The following AGBL1 variants were observed in gnomAD, a reference collection of about 807,000 sequenced individuals.
AGBL1 encodes AGBL carboxypeptidase 1.
In AGBL1, 130 loss-of-function variants were observed where a neutral mutation model predicts 118.9. The observed-to-expected ratio is 1.09, with a 90% confidence interval of 0.95 to 1.26. The LOEUF (loss-of-function observed/expected upper bound fraction) is 1.26, where lower values mean the gene tolerates loss of function less well. Ranked by LOEUF, AGBL1 falls within the 50% of genes most tolerant of loss-of-function variation. The pLI is 0.00. For missense variants in AGBL1, 1,584 were observed against 1,298.1 expected (o/e 1.22, Z -3.38); for synonymous variants, 555 against 478.9 (o/e 1.16, Z -2.08).
rs537788037 is a variant in AGBL1 at position 86,976,057 on chromosome 15, C to A, written c.3222-11930C>A. ...TACTTTAAAATTATTATGTTGGTTA[C>A]ACATATTCATTGTAGAAAGTTTTAA... On this transcript the variant is annotated intron_variant, in intron 23 of 24. Transcript: ENST00000441037. Among the ~76,000 whole-genome samples the A allele has an allele frequency of 5.4e-4, 82 of 151,968 alleles. 1 individual carries two copies. The highest frequency in any genetic ancestry group is 1.9e-3 in the African/African-American group (77 of 41,494).
chr15:86,644,135 C>G (rs925896080), intron 21 of AGBL1, among the ~76,000 whole-genome samples: 1 of 152,146 alleles, frequency 6.6e-6, no homozygotes, highest in Non-Finnish European at 1.5e-5. Context: ...CTAATCATCA[C>G]TATTTCTATA....
chr15:86,836,892 C>T (rs1161358258), intron 22 of AGBL1, among the ~76,000 whole-genome samples: 1 of 152,122 alleles, frequency 6.6e-6, no homozygotes, highest in East Asian at 1.9e-4. Flanking sequence ...TCTTTTGTTT[C>T]CTTTATGCTA....
chr15:86,974,016 A>T (rs1162329369), intron 23 of AGBL1, among the ~76,000 whole-genome samples: 4 of 137,600 alleles, frequency 2.9e-5, no homozygotes, highest in African/African-American at 1.1e-4. Flanking sequence ...AAACATATTT[A>T]ATATATTAAA....
At chr15:86,579,914 A>T (rs978356772) in intron 21 of AGBL1, among the ~76,000 whole-genome samples, 1 of 152,080 alleles carries the variant, frequency 6.6e-6, no homozygotes, top group Non-Finnish European at 1.5e-5. Context: ...TCTGGACTGT[A>T]TTTGATACTG....
chr15:86,584,519 T>G (rs559122897), intron 21 of AGBL1, among the ~76,000 whole-genome samples: 6 of 152,230 alleles, frequency 3.9e-5, no homozygotes, highest in South Asian at 4.1e-4. Flanking sequence ...TATTCTCAGT[T>G]TTCTATTCTG....
At chr15:86,198,374 T>G (rs2077849431) in intron 5 of AGBL1, among the ~76,000 whole-genome samples, 1 of 152,168 alleles carries the variant, frequency 6.6e-6, no homozygotes, top group Non-Finnish European at 1.5e-5. Context: ...TAGATGAGAA[T>G]TTGGACTTGA....
rs60282415 is a variant in AGBL1, at chr15:86,301,641, G to GGTGT, written c.2374+6283_2374+6286dup. ...TCACTGAGGTACTCATAATCTACAG[G>GGTGT]GTGTGTGTGTGTGTGTGTGTGTGTG... On this transcript the variant is annotated intron_variant, in intron 17 of 22. Transcript: ENST00000614907. 2.0e-3 allele frequency among the ~76,000 whole-genome samples: 274 copies of GGTGT among 137,320 alleles called. 2 individuals are homozygous for GGTGT. The highest frequency in any genetic ancestry group is 7.8e-3 in the East Asian group (34 of 4,386). The allele number at this position is 137,320 out of a possible 152,430, so 90.1% of individuals were successfully genotyped here.
At chr15:86,227,568 A>G (rs1184881465) in intron 6 of AGBL1, among the ~76,000 whole-genome samples, 1 of 152,254 alleles carries the variant, frequency 6.6e-6, no homozygotes, top group African/African-American at 2.4e-5. Context: ...ACTCTGCCAA[A>G]TATCCCCCAT....
intron 18 of AGBL1, among the ~76,000 whole-genome samples, chr15:86,494,096 T>G (rs2082817426): frequency 6.6e-6 from 1 of 152,042 alleles, no homozygotes; most frequent in South Asian, 2.1e-4. Context: ...GAGCATGGGG[T>G]AAGAGGTGGG....
intron 9 of AGBL1, among the ~76,000 whole-genome samples, chr15:86,259,647 T>C (rs1235840549): frequency 1.3e-5 from 2 of 152,254 alleles, no homozygotes; most frequent in African/African-American, 4.8e-5. Flanking sequence ...CTCTGGGTTT[T>C]GTTGATAAAT....
rs775383913 is a variant in AGBL1 at position 86,914,915 on chromosome 15, C to A, written c.*7621C>A. 1.3e-5 allele frequency: 2 copies of A among 152,190 alleles called. No individual in the cohort carries two copies. Among genetic ancestry groups the A allele is most frequent in the Admixed American group, 1.3e-4 (2 of 15,280 alleles). The allele number at this position is 152,190 out of a possible 1,614,324, so 9.4% of individuals were successfully genotyped here. ...GGCCATTTCTGCATAACTTCCTGCT[C>A]CTTTTCAAACTCAACAGGTTCAAAG... On this transcript the variant is annotated 3_prime_UTR_variant, in exon 23 of 23. Coordinates refer to ENST00000614907, the MANE Select transcript of AGBL1 (RefSeq NM_001386094.1).
chr15:86,374,390 A>G (rs1316499512), intron 17 of AGBL1, among the ~76,000 whole-genome samples: 5 of 152,228 alleles, frequency 3.3e-5, no homozygotes, highest in Non-Finnish European at 7.3e-5. Flanking sequence ...ATTTATCTAA[A>G]TGTCATAAAA....
At chr15:86,805,806 C>T (rs1343431723) in intron 22 of AGBL1, among the ~76,000 whole-genome samples, 1 of 152,074 alleles carries the variant, frequency 6.6e-6, no homozygotes, top group Non-Finnish European at 1.5e-5. Context: ...CACACTCAAC[C>T]ATTTACTACC....
At chr15:86,974,536 ATAAAAATTATATAATTATAT>A (rs2081151827) in intron 23 of AGBL1, among the ~76,000 whole-genome samples, 5 of 132,832 alleles carry the variant, frequency 3.8e-5, no homozygotes, top group African/African-American at 1.3e-4. Flanking sequence ...TATTAAATAT[ATAAAAATTATATAATTATAT>A]AATATAAATT....
At chr15:86,229,923 G>C (rs1263293169) in intron 6 of AGBL1, among the ~76,000 whole-genome samples, 1 of 152,188 alleles carries the variant, frequency 6.6e-6, no homozygotes, top group Non-Finnish European at 1.5e-5. Flanking sequence ...ATAAGTCTCT[G>C]TCAGACCACT....
At chr15:86,514,831 C>T (rs939239538) in intron 18 of AGBL1, among the ~76,000 whole-genome samples, 6 of 152,052 alleles carry the variant, frequency 3.9e-5, no homozygotes, top group Non-Finnish European at 7.4e-5. Flanking sequence ...TTGTTCATCT[C>T]CTTCATTCTT....
At position 86,266,292 on chromosome 15, in the gene AGBL1, A is replaced by T. The variant is rs983639969; in HGVS notation, c.1668-82A>T. On this transcript the variant is annotated intron_variant, in intron 11 of 22. Coordinates refer to ENST00000614907, the MANE Select transcript of AGBL1 (RefSeq NM_001386094.1). ...TTTCATATTTTTCTGGTGACCCCCA[A>T]AGTTCTTCCCAGGTGATCACAGGAT... 8.9e-6 allele frequency: 9 copies of T among 1,015,044 alleles called. No individual in the cohort carries two copies. The East Asian group carries it at 2.5e-4, about 28-fold the overall frequency. 62.9% of individuals were successfully genotyped at this position (1,015,044 alleles called of 1,614,324 possible).
At chr15:86,371,144 T>C (rs77639157) in intron 17 of AGBL1, among the ~76,000 whole-genome samples, 3,625 of 152,270 alleles carry the variant, frequency 0.024, 57 homozygotes, top group Middle Eastern at 0.071. Flanking sequence ...AGGGGCTAGC[T>C]GAAGAGGTAA....
At chr15:86,774,702 T>C (rs1031995592) in intron 22 of AGBL1, among the ~76,000 whole-genome samples, 2 of 151,978 alleles carry the variant, frequency 1.3e-5, no homozygotes, top group Non-Finnish European at 2.9e-5. Flanking sequence ...AATTAAGATT[T>C]ATATTGAGGA....
Sources: gnomAD v4.1 joint callset for allele counts (sites outside exome capture counted in the v4.1 genomes callset) on GRCh38, gnomAD v4.1.1 for gene constraint, MANE v1.5 for transcripts, NCBI Gene and HGNC (gene_info 2026-07-23, HGNC 2026-07-21) for gene names.